The following NOS1AP variants were observed in gnomAD, a reference collection of about 807,000 sequenced individuals.
NOS1AP encodes nitric oxide synthase 1 adaptor protein, also known as carboxyl-terminal PDZ ligand of neuronal nitric oxide synthase protein.
A neutral mutation model predicts 56.2 loss-of-function variants in NOS1AP; 21 were observed. The observed-to-expected ratio is 0.37, with a 90% CI of 0.26 to 0.54. NOS1AP has a LOEUF of 0.54. Among genes scored for constraint, NOS1AP ranks in the 20% least tolerant of loss-of-function variants. The pLI is 0.84. For synonymous variants in NOS1AP, 270 were observed against 274.6 expected, an observed-to-expected ratio of 0.98 and a Z score of 0.17; for missense variants, 522 against 657.8, an observed-to-expected ratio of 0.79 and a Z score of 2.26.
chr1:162,214,322 C>G (rs916102398), intron 2 of NOS1AP, among the ~76,000 whole-genome samples: 1 of 152,164 alleles, frequency 6.6e-6, no homozygotes, highest in African/African-American at 2.4e-5. Flanking sequence ...ATTGTTTACT[C>G]TTTGCCCAGC....
At chr1:162,345,997 G>A (rs1025588857) in intron 6 of NOS1AP, among the ~76,000 whole-genome samples, 2 of 152,176 alleles carry the variant, frequency 1.3e-5, no homozygotes, top group African/African-American at 4.8e-5. Flanking sequence ...CTTATAATAG[G>A]TAAAACTCAT....
At chr1:162,224,711 A>G (rs1206187018) in intron 2 of NOS1AP, among the ~76,000 whole-genome samples, 1 of 152,212 alleles carries the variant, frequency 6.6e-6, no homozygotes, top group Non-Finnish European at 1.5e-5. Context: ...GATTTTATCC[A>G]GAGTAACTTA....
intron 4 of NOS1AP, among the ~76,000 whole-genome samples, chr1:162,327,572 A>G (rs779591109): frequency 6.6e-6 from 1 of 152,220 alleles, no homozygotes; most frequent in Non-Finnish European, 1.5e-5. Flanking sequence ...GAACACTGAG[A>G]GCTAGTCCTA....
At chr1:162,298,867 T>C (rs1375450162) in intron 3 of NOS1AP, among the ~76,000 whole-genome samples, 2 of 152,112 alleles carry the variant, frequency 1.3e-5, no homozygotes, top group East Asian at 3.9e-4. Context: ...CAAATAGAGA[T>C]ATTAGAACTG....
intron 1 of NOS1AP, among the ~76,000 whole-genome samples, chr1:162,099,177 T>C (rs1262100700): frequency 6.7e-6 from 1 of 149,182 alleles, no homozygotes; most frequent in Non-Finnish European, 1.5e-5. Flanking sequence ...CAGCGTCTGT[T>C]ACTTTTTGAC....
chr1:162,138,603 G>A (rs1345548531), intron 1 of NOS1AP, among the ~76,000 whole-genome samples: 1 of 152,188 alleles, frequency 6.6e-6, no homozygotes, highest in East Asian at 1.9e-4. Context: ...TGGAGCCAGA[G>A]GCCTGGGCTC....
Position 162,368,627 on chromosome 1 carries a change from A to G in NOS1AP, c.*1160A>G. 1 of 152,176 alleles carries G rather than the reference A, an allele frequency of 6.6e-6. No homozygotes were observed. Among genetic ancestry groups the G allele is most frequent in the East Asian group, 1.9e-4 (1 of 5,196 alleles). 9.4% of individuals were successfully genotyped at this position (152,176 alleles called of 1,614,324 possible). A position where few individuals can be genotyped will look rare whatever the true frequency, so the allele number is the denominator to read the frequency against. On this transcript the variant is annotated 3_prime_UTR_variant, in exon 10 of 10. Coordinates refer to ENST00000361897, the MANE Select transcript of NOS1AP (RefSeq NM_014697.3). ...CACACATATAAAAAGTGCCATGTGC[A>G]ATTGTCTTATCTTTTATGATCTAGG...
intron 2 of NOS1AP, among the ~76,000 whole-genome samples, chr1:162,193,032 T>C (rs1227999359): frequency 1.3e-5 from 2 of 152,120 alleles, no homozygotes; most frequent in Non-Finnish European, 2.9e-5. Context: ...GAAAAATTCC[T>C]GTGATGAGAG....
At chr1:162,099,307 C>T (rs1018899635) in intron 1 of NOS1AP, among the ~76,000 whole-genome samples, 1 of 152,028 alleles carries the variant, frequency 6.6e-6, no homozygotes, top group African/African-American at 2.4e-5. Context: ...CCTGCCTCAG[C>T]CTCCTGAGTA....
At chr1:162,093,039 C>G (rs2102024321) in intron 1 of NOS1AP, among the ~76,000 whole-genome samples, 1 of 152,182 alleles carries the variant, frequency 6.6e-6, no homozygotes, top group East Asian at 1.9e-4. Flanking sequence ...TTTATTATTT[C>G]CATTTACAGG....
At chr1:162,207,503 T>C (rs1652198652) in intron 2 of NOS1AP, among the ~76,000 whole-genome samples, 2 of 152,214 alleles carry the variant, frequency 1.3e-5, no homozygotes, top group South Asian at 4.1e-4. Flanking sequence ...ATTCAGCCAG[T>C]CAGTTTCCTC....
chr1:162,291,502 A>G (rs935093974), intron 3 of NOS1AP, among the ~76,000 whole-genome samples: 5 of 152,080 alleles, frequency 3.3e-5, no homozygotes, highest in Admixed American at 3.3e-4. Context: ...AAAAAAAAAA[A>G]GGATGAGATC....
chr1:162,356,530 C>G (rs563354651), intron 7 of NOS1AP, among the ~76,000 whole-genome samples: 26 of 152,248 alleles, frequency 1.7e-4, no homozygotes, highest in Non-Finnish European at 2.1e-4. Flanking sequence ...GAGGAGGGAG[C>G]CCTAAGGACA....
At chr1:162,287,192 G>A (rs944272319) in intron 2 of NOS1AP, 152 bp from the exon 3 acceptor site, 10 of 623,640 alleles carry the variant, frequency 1.6e-5, no homozygotes, top group Middle Eastern at 6.3e-4. Context: ...ACATCCACCT[G>A]CTTTTACATC....
intron 2 of NOS1AP, 142 bp from the exon 3 acceptor site, chr1:162,287,202 C>A: frequency 1.6e-6 from 1 of 642,894 alleles, no homozygotes; most frequent in Non-Finnish European, 2.8e-6. Context: ...GCTTTTACAT[C>A]CCCCGAGGTG....
At chr1:162,325,454 T>G (rs530528088) in intron 4 of NOS1AP, among the ~76,000 whole-genome samples, 140 of 152,150 alleles carry the variant, frequency 9.2e-4, no homozygotes, top group African/African-American at 3.3e-3. Context: ...TCTGGTGGTG[T>G]TCTATCAGTG....
intron 1 of NOS1AP, among the ~76,000 whole-genome samples, chr1:162,115,070 T>A (rs1345676359): frequency 2.0e-5 from 3 of 152,194 alleles, no homozygotes; most frequent in African/African-American, 7.2e-5. Flanking sequence ...TTTGTTTTTG[T>A]TCATTCACTT....
chr1:162,182,359 G>C (rs6679592), intron 2 of NOS1AP, among the ~76,000 whole-genome samples: 70,667 of 152,056 alleles, frequency 0.46, 18,007 homozygotes, highest in East Asian at 0.75. Context: ...TCTCAATAAA[G>C]TGAGTCACAC....
chr1:162,267,702 G>T (rs1654468307), intron 2 of NOS1AP, among the ~76,000 whole-genome samples: 1 of 152,180 alleles, frequency 6.6e-6, no homozygotes, highest in African/African-American at 2.4e-5. Flanking sequence ...ATTTGAGGCT[G>T]CAGTGAGCTA....
Sources: gnomAD v4.1 joint callset for allele counts (sites outside exome capture counted in the v4.1 genomes callset) on GRCh38, gnomAD v4.1.1 for gene constraint, MANE v1.5 for transcripts, NCBI Gene and HGNC (gene_info 2026-07-23, HGNC 2026-07-21) for gene names.